The following TMEM236 variants were observed in gnomAD, a reference collection of about 807,000 sequenced individuals.
TMEM236 encodes transmembrane protein 236.
TMEM236 carries 11 observed loss-of-function variants against 14.7 expected under a neutral mutation model. The ratio of observed to expected loss-of-function variants is 0.75; its 90% CI spans 0.47 to 1.24. The LOEUF is 1.24. Ranked by LOEUF, TMEM236 falls within the 50% of genes most tolerant of loss-of-function variation. The pLI, the probability that TMEM236 is intolerant of heterozygous loss-of-function variation, is 0.00. For synonymous variants in TMEM236, 182 were observed against 168.6 expected (o/e 1.08, Z -0.62); for missense variants, 464 against 427.3 (o/e 1.09, Z -0.76).
intron 3 of TMEM236, among the ~76,000 whole-genome samples, chr10:17,788,999 G>C (rs1359912361): frequency 6.6e-6 from 1 of 152,152 alleles, no homozygotes; most frequent in African/African-American, 2.4e-5. Flanking sequence ...TTGAGGAGTG[G>C]GGAAGTCCTG....
At chr10:17,777,891 ACCAT>A (rs1837684936) in intron 3 of TMEM236, among the ~76,000 whole-genome samples, 64 of 152,254 alleles carry the variant, frequency 4.2e-4, no homozygotes, top group African/African-American at 1.4e-3. Context: ...GGCATGTGCC[ACCAT>A]GCGTGGCTAA....
intron 3 of TMEM236, among the ~76,000 whole-genome samples, chr10:17,782,846 G>A (rs1240993830): frequency 6.6e-6 from 1 of 152,140 alleles, no homozygotes; most frequent in Non-Finnish European, 1.5e-5. Context: ...CAGATCCCCA[G>A]TTGTTGAACA....
chr10:17,759,835 G>T (rs1366515309), intron 1 of TMEM236, among the ~76,000 whole-genome samples: 1 of 151,896 alleles, frequency 6.6e-6, no homozygotes. Flanking sequence ...AGAAAAATGA[G>T]CCGGGCGTGG....
At chr10:17,777,090 A>C (rs1421525653) in intron 3 of TMEM236, among the ~76,000 whole-genome samples, 2 of 152,122 alleles carry the variant, frequency 1.3e-5, no homozygotes, top group African/African-American at 4.8e-5. Flanking sequence ...ACAGCTTCAG[A>C]GTGACGGGGT....
intron 3 of TMEM236, among the ~76,000 whole-genome samples, chr10:17,786,196 A>G (rs1260319468): frequency 1.3e-5 from 2 of 152,360 alleles, no homozygotes; most frequent in African/African-American, 4.8e-5. Context: ...GAATAAGGGA[A>G]TAAAAGAATT....
intron 2 of TMEM236, among the ~76,000 whole-genome samples, chr10:17,771,769 A>G (rs1233118873): frequency 6.6e-6 from 1 of 152,234 alleles, no homozygotes; most frequent in African/African-American, 2.4e-5. Flanking sequence ...AATACCTTTG[A>G]TAAGATGTCC....
chr10:17,774,027 A>T (rs78894791), intron 2 of TMEM236, among the ~76,000 whole-genome samples: 93,164 of 132,500 alleles, frequency 0.7, 29,249 homozygotes, highest in African/African-American at 0.78. Context: ...ATATATATAT[A>T]TTTTTGTTTG....
chr10:17,788,193 C>T (rs1837868457), intron 3 of TMEM236, among the ~76,000 whole-genome samples: 1 of 149,928 alleles, frequency 6.7e-6, no homozygotes, highest in South Asian at 2.1e-4. Context: ...AAATATATAT[C>T]ATTATAAGTA....
chr10:17,771,588 A>T (rs1419147548), intron 2 of TMEM236, among the ~76,000 whole-genome samples: 1 of 152,200 alleles, frequency 6.6e-6, no homozygotes, highest in Non-Finnish European at 1.5e-5. Flanking sequence ...CAATTTTTAA[A>T]AATTAATTTT....
At chr10:17,777,282 G>A (rs1336054817) in intron 3 of TMEM236, among the ~76,000 whole-genome samples, 2 of 152,076 alleles carry the variant, frequency 1.3e-5, no homozygotes, top group Admixed American at 1.3e-4. Context: ...ACATAACACA[G>A]GTGACATGTA....
intron 3 of TMEM236, among the ~76,000 whole-genome samples, chr10:17,778,702 T>C (rs934374407): frequency 2.0e-5 from 3 of 152,210 alleles, no homozygotes; most frequent in Non-Finnish European, 4.4e-5. Context: ...GACTTTATGC[T>C]AGATGAAACC....
At position 17,796,580 on chromosome 10, in the gene TMEM236, C is replaced by T. The variant is rs1445907639; in HGVS notation, c.*76C>T. The T allele has an allele frequency of 9.7e-5, 128 of 1,323,166 alleles. 2 individuals are homozygous for T. In the South Asian group the frequency reaches 1.2e-3, roughly 12 times the overall value. The allele number at this position is 1,323,166 out of a possible 1,614,324, so 82.0% of individuals were successfully genotyped here. ...TGTAATCCTTCTTTTTTTCTTGGGGCGTAGGTGTTTGCACTATAAAGGAAA... is the reference window on the plus strand; with the variant it reads ...TGTAATCCTTCTTTTTTTCTTGGGGTGTAGGTGTTTGCACTATAAAGGAAA... On this transcript the variant is annotated 3_prime_UTR_variant, in exon 4 of 4. Coordinates refer to ENST00000377495, the MANE Select transcript of TMEM236 (RefSeq NM_001098844.3).
Position 17,761,149 on chromosome 10 carries a change from A to G in TMEM236, c.257+8597A>G, listed in dbSNP as rs936958331. Among the ~76,000 whole-genome samples the G allele has an allele frequency of 3.3e-5, 5 of 152,206 alleles. No homozygotes were observed. In the East Asian group the frequency reaches 5.8e-4, roughly 18 times the overall value. On this transcript the variant is annotated intron_variant, in intron 1 of 3. Coordinates refer to ENST00000377495, the MANE Select transcript of TMEM236 (RefSeq NM_001098844.3). ...CTCCATGGCTGTTTCTCTCATCCCA[A>G]TTAGGCCCTTATTTCCAGACCATCA...
At chr10:17,771,605 G>A (rs1554834839) in intron 2 of TMEM236, among the ~76,000 whole-genome samples, 1 of 152,168 alleles carries the variant, frequency 6.6e-6, no homozygotes, top group African/African-American at 2.4e-5. Context: ...TTTTGTGTTT[G>A]TGTGTGAGAC....
intron 1 of TMEM236, among the ~76,000 whole-genome samples, chr10:17,768,727 A>ATGTG (rs570319904): frequency 0.011 from 1,651 of 144,258 alleles, 13 homozygotes; most frequent in African/African-American, 0.015. Context: ...TATACAACTC[A>ATGTG]TGTGTGTGTG....
At chr10:17,789,366 A>C (rs1312529178) in intron 3 of TMEM236, among the ~76,000 whole-genome samples, 1 of 152,214 alleles carries the variant, frequency 6.6e-6, no homozygotes, top group African/African-American at 2.4e-5. Flanking sequence ...GCAACCTAAT[A>C]TATTCTATTC....
intron 2 of TMEM236, among the ~76,000 whole-genome samples, chr10:17,774,449 TTTTCCCCACATAA>T (rs1837625696): frequency 6.6e-6 from 1 of 152,212 alleles, no homozygotes; most frequent in Admixed American, 6.5e-5. Flanking sequence ...GAGTTAATTT[TTTTCCCCACATAA>T]CATTCAATGG....
At chr10:17,793,827 A>T (rs1468128509) in intron 3 of TMEM236, among the ~76,000 whole-genome samples, 1 of 152,224 alleles carries the variant, frequency 6.6e-6, no homozygotes, top group Non-Finnish European at 1.5e-5. Context: ...ATGGATACAA[A>T]TGAGCATCTG....
intron 1 of TMEM236, among the ~76,000 whole-genome samples, chr10:17,769,164 A>C (rs1351491659): frequency 2.6e-5 from 4 of 152,234 alleles, no homozygotes. Context: ...GCTAGGCAAG[A>C]ATAGAACCAC....
Sources: gnomAD v4.1 joint callset for allele counts (sites outside exome capture counted in the v4.1 genomes callset) on GRCh38, gnomAD v4.1.1 for gene constraint, MANE v1.5 for transcripts, NCBI Gene and HGNC (gene_info 2026-07-23, HGNC 2026-07-21) for gene names.